Variants in SPTSSA observed in about 807,000 individuals in gnomAD.
SPTSSA encodes serine palmitoyltransferase small subunit A.
Under a neutral mutation model 9.1 loss-of-function variants are expected in SPTSSA, and 8 were observed. The ratio of observed to expected loss-of-function variants is 0.88; its 90% CI spans 0.51 to 1.58. SPTSSA has a LOEUF of 1.58. SPTSSA is among the 40% of genes most tolerant of loss of function. The probability of loss-of-function intolerance (pLI) is 0.00; values close to 1 mark genes in which losing one functional copy is unlikely to be tolerated. For synonymous variants in SPTSSA, 42 were observed against 37.7 expected, an observed-to-expected ratio of 1.11 and a Z score of -0.41; for missense variants, 100 against 93.8, an observed-to-expected ratio of 1.07 and a Z score of -0.27.
At chr14:34,442,595 G>C (rs1288073950) in intron 1 of SPTSSA, among the ~76,000 whole-genome samples, 1 of 152,240 alleles carries the variant, frequency 6.6e-6, no homozygotes, top group African/African-American at 2.4e-5. Flanking sequence ...TCTTGCAGTT[G>C]CAATGAATGC....
chr14:34,434,554 T>C lies in SPTSSA; in HGVS notation c.*647A>G, dbSNP rs1192623100. ...ACATAAGAATTAAATATTTAAAAGG[T>C]GAAATGTTCCTTATTTTAACTTTAG... On this transcript the variant is annotated 3_prime_UTR_variant, in exon 2 of 2. Coordinates refer to ENST00000298130, the MANE Select transcript of SPTSSA (RefSeq NM_138288.4). The C allele has an allele frequency of 1.3e-5, 2 of 152,632 alleles. No individual in the cohort carries two copies. The highest frequency in any genetic ancestry group is 4.8e-5 in the African/African-American group (2 of 41,452). 9.5% of individuals were successfully genotyped at this position (152,632 alleles called of 1,614,324 possible). A position where few individuals can be genotyped will look rare whatever the true frequency, so the allele number is the denominator to read the frequency against.
chr14:34,442,088 C>T (rs780086232), intron 1 of SPTSSA, among the ~76,000 whole-genome samples: 48 of 152,208 alleles, frequency 3.2e-4, no homozygotes, highest in Non-Finnish European at 3.8e-4. Context: ...GTTGGCCAGG[C>T]TGGTCTCAAA....
At chr14:34,444,494 CT>C (rs1256689858) in intron 1 of SPTSSA, among the ~76,000 whole-genome samples, 1 of 152,190 alleles carries the variant, frequency 6.6e-6, no homozygotes, top group African/African-American at 2.4e-5. Flanking sequence ...TGGCTCACAC[CT>C]GTAATCCCAG....
rs756151975 is a variant in SPTSSA at position 34,435,240 on chromosome 14, G to A, written c.177C>T (p.His59=). 1 of 1,613,792 alleles carries A rather than the reference G, an allele frequency of 6.2e-7. No homozygotes were observed. Among genetic ancestry groups the A allele is most frequent in the African/African-American group, 1.3e-5 (1 of 74,910 alleles). The change falls in exon 2 of 2, where the codon CAC becomes CAT. Residue 59 remains histidine (H), a synonymous_variant. Transcript: ENST00000298130. Reference sequence around the variant, plus strand: ...CAAAGTAGTGCAATATCGCCATGATGTGCTGGGGCATGAAGACGTATCCTG... The same window carrying A: ...CAAAGTAGTGCAATATCGCCATGATATGCTGGGGCATGAAGACGTATCCTG... The part of the protein sequence containing the change: ...LYTGYVFMPQ[H]IMAILHYFEI...
At chr14:34,448,333 G>T (rs985298941) in intron 1 of SPTSSA, among the ~76,000 whole-genome samples, 3 of 151,522 alleles carry the variant, frequency 2.0e-5, no homozygotes, top group Non-Finnish European at 3.0e-5. Flanking sequence ...TAGGGACTAG[G>T]CCTCAAGGCA....
chr14:34,453,770 AACT>A (rs1366019902), intron 1 of SPTSSA, among the ~76,000 whole-genome samples: 2 of 152,158 alleles, frequency 1.3e-5, no homozygotes, highest in Non-Finnish European at 2.9e-5. Context: ...TATTGATCAT[AACT>A]ACTATTTTTT....
chr14:34,443,198 G>GGTGTGT (rs76985104), intron 1 of SPTSSA, among the ~76,000 whole-genome samples: 3 of 11,480 alleles, frequency 2.6e-4, no homozygotes, highest in Admixed American at 1.3e-3. Flanking sequence ...TCCTCTAGGG[G>GGTGTGT]GTGTGTGTGT....
rs1418517062 is a variant in SPTSSA, at chr14:34,462,178, C to A, written c.30G>T (p.Trp10Cys). The A allele has an allele frequency of 1.3e-6, 2 of 1,534,574 alleles. No individual in the cohort carries two copies. Among genetic ancestry groups the A allele is most frequent in the Non-Finnish European group, 1.8e-6 (2 of 1,136,812 alleles). MAGMALARA[W>C]KQMSWFYYQY... ...GGTAGTAGAACCAGGACATCTGCTT[C>A]CAGGCCCGCGCCAGCGCCATCCCCG... The change falls in exon 1 of 2, where the codon TGG becomes TGT. Residue 10 changes from tryptophan (W) to cysteine (C), a missense_variant. Physicochemically the swap from Trp to Cys is radical, Grantham distance 215. Coordinates refer to ENST00000298130, the MANE Select transcript of SPTSSA (RefSeq NM_138288.4).
At chr14:34,456,177 C>G (rs1479947630) in intron 1 of SPTSSA, among the ~76,000 whole-genome samples, 1 of 151,926 alleles carries the variant, frequency 6.6e-6, no homozygotes, top group Non-Finnish European at 1.5e-5. Context: ...AAAAAATTAG[C>G]CAGGCGTGGT....
rs549267999 is a variant in SPTSSA, at chr14:34,433,997, C to A, written c.*1204G>T. ...AAAACAAAAAAACAACCCAGCAACA[C>A]ACATAATTGCCTAATTCTTTTCAAT... On this transcript the variant is annotated 3_prime_UTR_variant, in exon 2 of 2. Transcript: ENST00000298130. 6.6e-6 allele frequency: 1 copy of A among 150,540 alleles called. No individual in the cohort carries two copies. The highest frequency in any genetic ancestry group is 1.5e-5 in the Non-Finnish European group (1 of 67,766). The allele number at this position is 150,540 out of a possible 1,614,324, so 9.3% of individuals were successfully genotyped here.
At chr14:34,459,959 G>C (rs922339210) in intron 1 of SPTSSA, among the ~76,000 whole-genome samples, 4 of 152,244 alleles carry the variant, frequency 2.6e-5, no homozygotes, top group African/African-American at 9.6e-5. Context: ...CTTTCCAAAA[G>C]CCTGTAGCTG....
chr14:34,436,639 C>T (rs1004820014), intron 1 of SPTSSA, among the ~76,000 whole-genome samples: 1 of 152,164 alleles, frequency 6.6e-6, no homozygotes, highest in Non-Finnish European at 1.5e-5. Context: ...GTTGACAAAT[C>T]TCTTCCACAA....
At chr14:34,443,071 T>C (rs78083343) in intron 1 of SPTSSA, among the ~76,000 whole-genome samples, 4 of 113,308 alleles carry the variant, frequency 3.5e-5, no homozygotes, top group Non-Finnish European at 5.1e-5. Context: ...CTGGAGTGCA[T>C]TGGCAGTCTT....
chr14:34,439,387 C>A, intron 1 of SPTSSA, among the ~76,000 whole-genome samples: 1 of 151,996 alleles, frequency 6.6e-6, no homozygotes, highest in Non-Finnish European at 1.5e-5. Flanking sequence ...CCTGTAATTC[C>A]AGCACTTTGG....
At chr14:34,439,292 T>C (rs1883284350) in intron 1 of SPTSSA, among the ~76,000 whole-genome samples, 1 of 152,056 alleles carries the variant, frequency 6.6e-6, no homozygotes, top group Non-Finnish European at 1.5e-5. Flanking sequence ...GGGGGCGCTA[T>C]AGGTCATTAG....
At chr14:34,442,259 A>G (rs1883329850) in intron 1 of SPTSSA, among the ~76,000 whole-genome samples, 2 of 152,210 alleles carry the variant, frequency 1.3e-5, no homozygotes, top group South Asian at 4.1e-4. Context: ...AGCTTGGAGC[A>G]AACTCACCCA....
intron 1 of SPTSSA, among the ~76,000 whole-genome samples, chr14:34,454,504 A>G (rs1883579227): frequency 6.6e-6 from 1 of 152,262 alleles, no homozygotes; most frequent in South Asian, 2.1e-4. Flanking sequence ...TAAGGAGTAC[A>G]GTTAAGAGAT....
intron 1 of SPTSSA, among the ~76,000 whole-genome samples, chr14:34,448,164 G>A (rs1355726877): frequency 1.3e-5 from 2 of 152,066 alleles, no homozygotes; most frequent in East Asian, 1.9e-4. Flanking sequence ...GCTGAGGCAG[G>A]AGAATCGCTT....
chr14:34,444,098 T>G (rs1883378733), intron 1 of SPTSSA, among the ~76,000 whole-genome samples: 1 of 150,902 alleles, frequency 6.6e-6, no homozygotes, highest in South Asian at 2.1e-4. Flanking sequence ...AAGTTTTAAA[T>G]TAATTGGTTT....
Sources: allele counts gnomAD v4.1 joint callset (sites outside exome capture counted in the v4.1 genomes callset), GRCh38; gene constraint gnomAD v4.1.1; transcripts MANE v1.5; gene names NCBI Gene and HGNC (gene_info 2026-07-23, HGNC 2026-07-21).